The following PARD3 variants were observed in gnomAD, a reference collection of about 807,000 sequenced individuals.
PARD3 encodes the protein par-3 family cell polarity regulator.
A neutral mutation model predicts 155.4 loss-of-function variants in PARD3; 75 were observed. The observed-to-expected ratio is 0.48, with a 90% CI of 0.40 to 0.58. The LOEUF is 0.58. PARD3 is among the 20% of genes least tolerant of loss of function. PARD3 has a pLI of 0.00. For synonymous variants in PARD3, 576 were observed against 610.5 expected (o/e 0.94, Z 0.83); for missense variants, 1,642 against 1,721.7 (o/e 0.95, Z 0.82).
chr10:34,646,861 A>AT (rs148929618), intron 2 of PARD3, among the ~76,000 whole-genome samples: 2,601 of 152,038 alleles, frequency 0.017, 71 homozygotes, highest in African/African-American at 0.06. Context: ...TATTATCATT[A>AT]TTTTTTTGCA....
chr10:34,617,027 G>A (rs541729553), intron 2 of PARD3, among the ~76,000 whole-genome samples: 6 of 152,002 alleles, frequency 3.9e-5, no homozygotes, highest in South Asian at 4.2e-4. Context: ...AGGCCAAGGC[G>A]GGGATCTCTT....
rs1236597755 is a variant in PARD3 at position 34,665,350 on chromosome 10, G to GA, written c.222+30967dup. Among the ~76,000 whole-genome samples the GA allele has an allele frequency of 4.7e-3, 555 of 118,260 alleles. 3 individuals carry two copies. Among genetic ancestry groups the GA allele is most frequent in the African/African-American group, 0.021 (491 of 23,064 alleles). 77.6% of individuals were successfully genotyped at this position (118,260 alleles called of 152,430 possible). On this transcript the variant is annotated intron_variant, in intron 2 of 24. Transcript: ENST00000374788. The stretch of plus-strand genomic sequence containing the variant: ...AACATGGAGAAGCCCTGTATCTGCT[G>GA]AAAAAAACAAACAAAAAAAAATAGC...
intron 1 of PARD3, among the ~76,000 whole-genome samples, chr10:34,711,070 G>T (rs537767725): frequency 6.6e-6 from 1 of 152,060 alleles, no homozygotes; most frequent in African/African-American, 2.4e-5. Flanking sequence ...CAGGTATTCC[G>T]GAGACTGAGG....
At position 34,219,747 on chromosome 10, in the gene PARD3, A is replaced by G. The variant is rs1283093943; in HGVS notation, c.3419+49910T>C. Among the ~76,000 whole-genome samples the G allele has an allele frequency of 3.3e-5, 5 of 152,176 alleles. No homozygotes were observed. The South Asian group carries it at 6.2e-4, about 19-fold the overall frequency. On this transcript the variant is annotated intron_variant, in intron 22 of 24. Coordinates refer to ENST00000374788, the MANE Select transcript of PARD3 (RefSeq NM_001184785.2). ...TTTGTCCCCATCAAAAATCACTTCTAGTCTCTTCTTGCCTCTCCACTAGTG... is the reference window on the plus strand; with the variant it reads ...TTTGTCCCCATCAAAAATCACTTCTGGTCTCTTCTTGCCTCTCCACTAGTG...
chr10:34,291,952 G>T (rs1985313), intron 20 of PARD3, among the ~76,000 whole-genome samples: 39,065 of 152,046 alleles, frequency 0.26, 6,180 homozygotes, highest in South Asian at 0.43. Flanking sequence ...TTCCTGAATA[G>T]AACTTATCTC....
At chr10:34,488,860 A>T (rs2079664390) in intron 3 of PARD3, 1 of 153,940 alleles carries the variant, frequency 6.5e-6, no homozygotes, top group Admixed American at 6.5e-5. Flanking sequence ...ATGCAGTGGC[A>T]CTTGATCATG....
chr10:34,302,019 T>C (rs1425876748), intron 20 of PARD3, among the ~76,000 whole-genome samples: 7 of 152,212 alleles, frequency 4.6e-5, no homozygotes, highest in Middle Eastern at 3.4e-3. Flanking sequence ...GAGGAATCTT[T>C]TAATTTTCTA....
intron 2 of PARD3, among the ~76,000 whole-genome samples, chr10:34,559,398 A>C (rs146374710): frequency 4.6e-5 from 7 of 152,058 alleles, no homozygotes; most frequent in Admixed American, 4.6e-4. Context: ...GGTCATAAAC[A>C]AACACTAGAG....
chr10:34,358,305 G>T (rs901754873), intron 14 of PARD3, among the ~76,000 whole-genome samples: 3 of 152,104 alleles, frequency 2.0e-5, no homozygotes, highest in African/African-American at 7.2e-5. Context: ...TGGGAAAATA[G>T]ATGATCCTAC....
chr10:34,166,899 C>A (rs900846452), intron 22 of PARD3, among the ~76,000 whole-genome samples: 1 of 152,156 alleles, frequency 6.6e-6, no homozygotes, highest in Non-Finnish European at 1.5e-5. Flanking sequence ...CATCAACATG[C>A]CAAATATTCT....
At chr10:34,656,530 T>C (rs2093171041) in intron 2 of PARD3, among the ~76,000 whole-genome samples, 1 of 152,242 alleles carries the variant, frequency 6.6e-6, no homozygotes, top group South Asian at 2.1e-4. Flanking sequence ...GTGCTGTGCC[T>C]GTAATAACCT....
intron 1 of PARD3, among the ~76,000 whole-genome samples, chr10:34,717,406 TG>T (rs2094537286): frequency 6.6e-6 from 1 of 152,156 alleles, no homozygotes; most frequent in Non-Finnish European, 1.5e-5. Context: ...AATTAGATCT[TG>T]AAAACAACCC....
intron 1 of PARD3, among the ~76,000 whole-genome samples, chr10:34,757,074 C>CAA (rs1836834962): frequency 6.6e-6 from 1 of 152,148 alleles, no homozygotes; most frequent in Non-Finnish European, 1.5e-5. Context: ...CTGGTAGGTG[C>CAA]AATGTTTTTT....
chr10:34,317,268 G>C lies in PARD3; in HGVS notation c.2904C>G (p.Ser968=). 6.2e-7 allele frequency: 1 copy of C among 1,613,540 alleles called. No homozygotes were observed. The highest frequency in any genetic ancestry group is 8.5e-7 in the Non-Finnish European group (1 of 1,179,908). The change falls in exon 20 of 25, where the codon TCC becomes TCG. Residue 968 remains serine (S), a synonymous_variant. Coordinates refer to ENST00000374788, the MANE Select transcript of PARD3 (RefSeq NM_001184785.2). ...ESVSTASDQP[S]HSLERQMNGN... is the part of the protein sequence containing the mutation. ...CATTCATTTGTCTCTCCAGAGAGTGGGAAGGCTGATCACTGGCTGTGGATA... is the reference window on the plus strand; with the variant it reads ...CATTCATTTGTCTCTCCAGAGAGTGCGAAGGCTGATCACTGGCTGTGGATA...
At chr10:34,708,066 C>A (rs1015372766) in intron 1 of PARD3, among the ~76,000 whole-genome samples, 1 of 152,158 alleles carries the variant, frequency 6.6e-6, no homozygotes, top group Non-Finnish European at 1.5e-5. Flanking sequence ...CAACTTCCTG[C>A]CTTCTTCATT....
intron 22 of PARD3, among the ~76,000 whole-genome samples, chr10:34,150,597 C>T (rs1948730908): frequency 6.6e-6 from 1 of 152,112 alleles, no homozygotes; most frequent in Non-Finnish European, 1.5e-5. Flanking sequence ...ACGTGCCGGA[C>T]TCTGCCGCAA....
intron 2 of PARD3, among the ~76,000 whole-genome samples, chr10:34,602,998 C>T (rs1199768709): frequency 6.6e-6 from 1 of 152,042 alleles, no homozygotes; most frequent in African/African-American, 2.4e-5. Flanking sequence ...CATAATAGTG[C>T]TGTGGTTTTG....
At chr10:34,362,107 A>C (rs1398255383) in intron 12 of PARD3, among the ~76,000 whole-genome samples, 1 of 152,030 alleles carries the variant, frequency 6.6e-6, no homozygotes, top group Non-Finnish European at 1.5e-5. Context: ...AGACCATCCT[A>C]GCTAACATGG....
chr10:34,708,526 C>T (rs1428016035), intron 1 of PARD3, among the ~76,000 whole-genome samples: 2 of 152,104 alleles, frequency 1.3e-5, no homozygotes, highest in Admixed American at 6.5e-5. Flanking sequence ...AATATCTGTA[C>T]TTTAGTCTCA....
Sources: allele counts gnomAD v4.1 joint callset (sites outside exome capture counted in the v4.1 genomes callset), GRCh38; gene constraint gnomAD v4.1.1; transcripts MANE v1.5; gene names NCBI Gene and HGNC (gene_info 2026-07-23, HGNC 2026-07-21).